Variants in TECRL observed in about 807,000 individuals in gnomAD.
The protein encoded by TECRL is trans-2,3-enoyl-CoA reductase like, also known as trans-2,3-enoyl-CoA reductase-like.
A neutral mutation model predicts 52.8 loss-of-function variants in TECRL; 63 were observed. The ratio of observed to expected loss-of-function variants is 1.19; its 90% confidence interval spans 0.97 to 1.47. The LOEUF is 1.47. Ranked by LOEUF, TECRL falls within the 40% of genes most tolerant of loss-of-function variation. TECRL has a pLI of 0.00. For synonymous variants in TECRL, 164 were observed against 141.9 expected (o/e 1.16, Z -1.10); for missense variants, 482 against 429.6 (o/e 1.12, Z -1.08).
downstream of TECRL, chr4:64,276,778 T>C: frequency 3.5e-6 from 1 of 288,298 alleles, no homozygotes. Flanking sequence ...TAGCCAGCAA[T>C]GCAAACTTAT....
chr4:64,300,006 T>G lies in TECRL; in HGVS notation c.742A>C (p.Arg248=), dbSNP rs753580510. ...PLYTPPSFGN[R]QITVSAINFL... Reference sequence around the variant, plus strand: ...TTGATAGCAGATACTGTGATTTGCCTGTTTCCAAATGCTGGAGAGTAGAAA... The same window carrying G: ...TTGATAGCAGATACTGTGATTTGCCGGTTTCCAAATGCTGGAGAGTAGAAA... The change falls in exon 8 of 12, where the codon AGG becomes CGG. Residue 248 remains arginine, a synonymous_variant. Transcript: ENST00000381210. 7 of 1,578,264 alleles carry G rather than the reference T, an allele frequency of 4.4e-6. 1 individual carries two copies. The highest frequency in any genetic ancestry group is 3.4e-4 in the Middle Eastern group (2 of 5,918).
At chr4:64,370,537 T>G (rs1173734333) in intron 2 of TECRL, among the ~76,000 whole-genome samples, 1 of 151,684 alleles carries the variant, frequency 6.6e-6, no homozygotes, top group African/African-American at 2.4e-5. Flanking sequence ...TTATCTTAAA[T>G]GCAAATAATT....
intron 8 of TECRL, chr4:64,299,079 G>C (rs921189618): frequency 2.0e-5 from 3 of 151,014 alleles, no homozygotes; most frequent in African/African-American, 7.3e-5. Context: ...ATGAGTTCTT[G>C]CTAGGCCAAA....
intron 10 of TECRL, 105 bp downstream of exon 10, chr4:64,281,369 T>C: frequency 1.4e-6 from 1 of 715,478 alleles, no homozygotes; most frequent in Non-Finnish European, 2.3e-6. Context: ...AAGACCTCTA[T>C]ATTTTTCCTG....
chr4:64,381,310 A>T (rs936272724), intron 1 of TECRL, among the ~76,000 whole-genome samples: 1 of 151,574 alleles, frequency 6.6e-6, no homozygotes, highest in African/African-American at 2.4e-5. Flanking sequence ...ATGTTATTAC[A>T]TATATAAGAT....
intron 2 of TECRL, among the ~76,000 whole-genome samples, chr4:64,333,072 T>C (rs922680680): frequency 1.3e-5 from 2 of 152,004 alleles, no homozygotes; most frequent in African/African-American, 4.8e-5. Flanking sequence ...ATTAAAGACA[T>C]ATGATGACAA....
chr4:64,376,968 T>G (rs73230494), intron 1 of TECRL, among the ~76,000 whole-genome samples: 3,258 of 152,134 alleles, frequency 0.021, 123 homozygotes, highest in African/African-American at 0.074. Flanking sequence ...CAAAGTTTCT[T>G]AATCTGATAT....
chr4:64,389,384 TCTTTA>T (rs1347445613), intron 1 of TECRL, among the ~76,000 whole-genome samples: 2 of 151,974 alleles, frequency 1.3e-5, no homozygotes, highest in Non-Finnish European at 2.9e-5. Flanking sequence ...TGTGTGATTT[TCTTTA>T]CTTTATCCTG....
At chr4:64,276,855 A>G (rs1290068027), downstream of TECRL, 1 of 380,716 alleles carries the variant, frequency 2.6e-6, no homozygotes, top group Non-Finnish European at 4.7e-6. Flanking sequence ...ACATTTACAC[A>G]CATACCCATA....
At chr4:64,392,354 C>T (rs1044724896) in intron 1 of TECRL, among the ~76,000 whole-genome samples, 1 of 151,828 alleles carries the variant, frequency 6.6e-6, no homozygotes, top group Non-Finnish European at 1.5e-5. Context: ...CACTTCTGAT[C>T]ACCAACTATT....
intron 1 of TECRL, among the ~76,000 whole-genome samples, chr4:64,380,567 T>C (rs967102388): frequency 2.6e-5 from 4 of 152,066 alleles, no homozygotes; most frequent in Admixed American, 2.0e-4. Flanking sequence ...CAATTTTCAG[T>C]TGAGTTTTAG....
chr4:64,335,817 T>C (rs1295090471), intron 2 of TECRL, among the ~76,000 whole-genome samples: 1 of 152,220 alleles, frequency 6.6e-6, no homozygotes, highest in African/African-American at 2.4e-5. Flanking sequence ...AAATATTTGT[T>C]TTCTTGATTT....
chr4:64,406,628 A>G (rs1298156962), intron 1 of TECRL, among the ~76,000 whole-genome samples: 3 of 152,034 alleles, frequency 2.0e-5, no homozygotes, highest in African/African-American at 7.2e-5. Flanking sequence ...TTTCCAAAGT[A>G]ACATTTATTA....
At chr4:64,325,974 A>G (rs1475042735) in intron 3 of TECRL, among the ~76,000 whole-genome samples, 1 of 152,114 alleles carries the variant, frequency 6.6e-6, no homozygotes, top group Non-Finnish European at 1.5e-5. Flanking sequence ...AGGGAGAGGA[A>G]TATATAGGGC....
chr4:64,355,398 T>G (rs1299937861), intron 2 of TECRL, among the ~76,000 whole-genome samples: 1 of 125,370 alleles, frequency 8.0e-6, no homozygotes, highest in Admixed American at 8.9e-5. Context: ...CTATATTAAC[T>G]TTTGTACTCT....
At chr4:64,398,335 A>T (rs186530451) in intron 1 of TECRL, among the ~76,000 whole-genome samples, 174 of 152,232 alleles carry the variant, frequency 1.1e-3, no homozygotes, top group Middle Eastern at 3.4e-3. Flanking sequence ...AATACTGGAG[A>T]TGTAGCCTGG....
At chr4:64,342,892 G>A (rs377142764) in intron 2 of TECRL, among the ~76,000 whole-genome samples, 1 of 151,872 alleles carries the variant, frequency 6.6e-6, no homozygotes, top group African/African-American at 2.4e-5. Context: ...CCTGAGACAC[G>A]TTTTCTGAAA....
At chr4:64,303,546 A>G (rs1348932902) in intron 7 of TECRL, among the ~76,000 whole-genome samples, 5 of 151,794 alleles carry the variant, frequency 3.3e-5, no homozygotes. Flanking sequence ...TTTGCTGAGT[A>G]AATTTGGAAA....
At chr4:64,399,818 G>A (rs1443801701) in intron 1 of TECRL, among the ~76,000 whole-genome samples, 4 of 152,162 alleles carry the variant, frequency 2.6e-5, no homozygotes, top group Non-Finnish European at 4.4e-5. Flanking sequence ...CCAAGCAAAA[G>A]CCTGATGGAG....
Sources: gnomAD v4.1 joint callset for allele counts (sites outside exome capture counted in the v4.1 genomes callset) on GRCh38, gnomAD v4.1.1 for gene constraint, MANE v1.5 for transcripts, NCBI Gene and HGNC (gene_info 2026-07-23, HGNC 2026-07-21) for gene names.